TRAPPC2L: variants seen among roughly 807,000 people sequenced by gnomAD.
TRAPPC2L encodes the protein trafficking protein particle complex subunit 2-like protein.
A neutral mutation model predicts 13.2 loss-of-function variants in TRAPPC2L; 17 were observed. The ratio of observed to expected loss-of-function variants is 1.29; its 90% CI spans 0.88 to 1.93. The LOEUF (loss-of-function observed/expected upper bound fraction) is 1.93, where lower values mean the gene tolerates loss of function less well. Ranked by LOEUF, TRAPPC2L falls within the 30% of genes most tolerant of loss-of-function variation. The pLI is 0.00. For missense variants in TRAPPC2L, 359 were observed against 252.1 expected, an observed-to-expected ratio of 1.42 and a Z score of -2.87; for synonymous variants, 150 against 98.1, an observed-to-expected ratio of 1.53 and a Z score of -3.12.
chr16:88,857,088 T>C (rs987276021), upstream of TRAPPC2L: 9 of 1,539,268 alleles, frequency 5.8e-6, no homozygotes, highest in African/African-American at 1.4e-5. Context: ...GGGGCGGGGC[T>C]TTGGAGGCCG....
exon 4 of TRAPPC2L, chr16:88,860,838 A>G: frequency 1.3e-6 from 2 of 1,498,864 alleles, no homozygotes; most frequent in East Asian, 4.8e-5. Context: ...GGATGGAGCC[A>G]TGCTGCCCGG....
chr16:88,859,640 G>C, intron 2 of TRAPPC2L, 23 bp from the exon 3 acceptor site: 1 of 1,611,918 alleles, frequency 6.2e-7, no homozygotes, highest in African/African-American at 1.3e-5. Context: ...TGTTACGAGT[G>C]CCTTCCCTAA....
At chr16:88,860,870 G>A (rs1968335490) in exon 4 of TRAPPC2L, 3 of 1,567,688 alleles carry the variant, frequency 1.9e-6, no homozygotes, top group African/African-American at 1.3e-5. Context: ...GCAGAGGGGT[G>A]GAGGGCCTGG....
Position 88,859,993 on chromosome 16 carries a change from CT to C in TRAPPC2L, c.397del (p.Cys133AlafsTer6), listed in dbSNP as rs745493580. Reference sequence around the variant, plus strand: ...TCCAGGTGGGCCCTACTTTCTGTGTCTTGCCACCTTCTTTCTGTAGGACATG... The same window carrying C: ...TCCAGGTGGGCCCTACTTTCTGTGTCTGCCACCTTCTTTCTGTAGGACATG... On this transcript the variant is annotated frameshift_variant, in exon 4 of 4. Coordinates refer to ENST00000565504, the Ensembl canonical transcript of TRAPPC2L. LOFTEE classifies it low-confidence loss of function (END_TRUNC). The C allele has an allele frequency of 2.0e-3, 3,162 of 1,609,512 alleles. No homozygotes were observed. The highest frequency in any genetic ancestry group is 2.4e-3 in the Non-Finnish European group (2,802 of 1,176,192).
At chr16:88,856,944 G>A (rs1442993579), upstream of TRAPPC2L, 6 of 1,454,482 alleles carry the variant, frequency 4.1e-6, no homozygotes, top group Non-Finnish European at 5.4e-6. Flanking sequence ...CGGCCCTTCC[G>A]GCTGGGCTGC....
exon 4 of TRAPPC2L, chr16:88,860,770 C>T (rs967443051): frequency 7.8e-5 from 69 of 885,484 alleles, no homozygotes; most frequent in Non-Finnish European, 1.4e-5. Flanking sequence ...GACTCCTGTC[C>T]TGGCCTCTCA....
rs1483357602 is a variant in TRAPPC2L at position 88,858,851 on chromosome 16, G to A, written c.206+60G>A. The A allele has an allele frequency of 8.4e-6, 13 of 1,539,260 alleles. No homozygotes were observed. In the South Asian group the frequency reaches 1.1e-4, roughly 13 times the overall value. The stretch of plus-strand genomic sequence containing the variant: ...CCTACAGTTGCAAGATGTACTTTAG[G>A]ATCAGATAACTTGAAACCTTTTAGA... On this transcript the variant is annotated intron_variant, in intron 2 of 3. Transcript: ENST00000565504.
At chr16:88,856,977 G>A, upstream of TRAPPC2L, 2 of 1,395,620 alleles carry the variant, frequency 1.4e-6, no homozygotes, top group Admixed American at 7.3e-5. Context: ...GGACGGCCAC[G>A]TGACTCGCGG....
intron 1 of TRAPPC2L, among the ~76,000 whole-genome samples, chr16:88,857,931 C>T (rs1222579311): frequency 6.6e-6 from 1 of 152,206 alleles, no homozygotes; most frequent in Non-Finnish European, 1.5e-5. Context: ...CGAGACCGCT[C>T]CCTGCTGGGC....
intron 1 of TRAPPC2L, chr16:88,857,455 G>A: frequency 2.3e-6 from 1 of 435,264 alleles, no homozygotes; most frequent in East Asian, 3.7e-5. Context: ...AACCTAGGTG[G>A]TCCCGGGCAC....
chr16:88,860,915 G>A lies in TRAPPC2L; in HGVS notation c.*591G>A, dbSNP rs764311834. On this transcript the variant is annotated 3_prime_UTR_variant, in exon 4 of 4. Transcript: ENST00000565504. The stretch of plus-strand genomic sequence containing the variant: ...GAGTGGGTCTGTTTCTCTTAGCAGG[G>A]CCTTTGATAACATGGTGACGTCGAT... The A allele has an allele frequency of 8.3e-5, 133 of 1,593,076 alleles. No individual in the cohort carries two copies. Among genetic ancestry groups the A allele is most frequent in the Non-Finnish European group, 1.1e-4 (130 of 1,171,760 alleles).
Position 88,859,879 on chromosome 16 carries a change from TG to T in TRAPPC2L, c.295-11del. On this transcript the variant is annotated splice_polypyrimidine_tract_variant and intron_variant, in intron 3 of 3. Coordinates refer to ENST00000565504, the Ensembl canonical transcript of TRAPPC2L. ...TGTATGTGGCAAGGTCATGGTTTGCTGGGTCTTTTTCAGATGTTCCGGAAGC... is the reference window on the plus strand; with the variant it reads ...TGTATGTGGCAAGGTCATGGTTTGCTGGTCTTTTTCAGATGTTCCGGAAGC... 1 of 1,574,204 alleles carries T rather than the reference TG, an allele frequency of 6.4e-7. No individual in the cohort carries two copies. The highest frequency in any genetic ancestry group is 8.6e-7 in the Non-Finnish European group (1 of 1,159,636).
upstream of TRAPPC2L, chr16:88,856,692 C>G (rs1967923651): frequency 1.7e-6 from 1 of 585,590 alleles, no homozygotes; most frequent in African/African-American, 2.0e-5. Context: ...CCTCGCTCCT[C>G]CCTCCATCCG....
exon 4 of TRAPPC2L, chr16:88,861,072 C>A: frequency 9.6e-7 from 1 of 1,041,890 alleles, no homozygotes; most frequent in East Asian, 2.6e-5. Flanking sequence ...TCAGGGCAGG[C>A]AGCTGTGCAT....
At chr16:88,857,435 A>T (rs1276521877) in intron 1 of TRAPPC2L, 5 of 463,388 alleles carry the variant, frequency 1.1e-5, no homozygotes, top group Non-Finnish European at 1.9e-5. Context: ...CCCCGCCAGG[A>T]CCCACCAGAA....
intron 2 of TRAPPC2L, chr16:88,859,267 T>A: frequency 3.5e-6 from 2 of 571,426 alleles, no homozygotes; most frequent in Non-Finnish European, 6.6e-6. Flanking sequence ...TGACATTTGC[T>A]AGTAGCCACT....
chr16:88,860,749 C>CGGT, exon 4 of TRAPPC2L: 1 of 730,824 alleles, frequency 1.4e-6, no homozygotes, highest in Non-Finnish European at 2.3e-6. Context: ...TCTCAGTGCC[C>CGGT]GGTGGGGTGG....
In TRAPPC2L at chr16:88,859,760, G is replaced by A. The variant is rs1294339646; in HGVS notation, c.294+10G>A. 1.6e-5 allele frequency: 26 copies of A among 1,610,952 alleles called. No homozygotes were observed. Among genetic ancestry groups the A allele is most frequent in the Non-Finnish European group, 2.1e-5 (25 of 1,177,912 alleles). The stretch of plus-strand genomic sequence containing the variant: ...CAACGAAATTCGCAGCGTAAGTCAG[G>A]GAGTTAGAGGGCCACGCCCGAGTGG... On this transcript the variant is annotated intron_variant, in intron 3 of 3. Transcript: ENST00000565504.
At chr16:88,856,535 C>G (rs1256840395), upstream of TRAPPC2L, 1 of 696,410 alleles carries the variant, frequency 1.4e-6, no homozygotes, top group Non-Finnish European at 2.6e-6. Context: ...CACGCCTGGA[C>G]CCCGCGGCCA....
Sources: gnomAD v4.1 joint callset for allele counts (sites outside exome capture counted in the v4.1 genomes callset) on GRCh38, gnomAD v4.1.1 for gene constraint, MANE v1.5 for transcripts, NCBI Gene and HGNC (gene_info 2026-07-23, HGNC 2026-07-21) for gene names.